The following FHIT variants were observed in gnomAD, a reference collection of about 807,000 sequenced individuals.
FHIT encodes the protein bis(5'-adenosyl)-triphosphatase.
FHIT carries 19 observed loss-of-function variants against 17.9 expected under a neutral mutation model. The ratio of observed to expected loss-of-function variants is 1.06; its 90% CI spans 0.74 to 1.56. FHIT has a LOEUF of 1.56. FHIT is among the 40% of genes most tolerant of loss of function. The pLI is 0.00. For synonymous variants in FHIT, 81 were observed against 69.7 expected (o/e 1.16, Z -0.81); for missense variants, 248 against 189.2 (o/e 1.31, Z -1.82).
At chr3:60,391,474 T>C (rs1308449120) in intron 5 of FHIT, among the ~76,000 whole-genome samples, 1 of 152,164 alleles carries the variant, frequency 6.6e-6, no homozygotes, top group East Asian at 1.9e-4. Flanking sequence ...GCCCTTCACA[T>C]GCACTCATCA....
At chr3:60,331,080 C>A (rs1019928465) in intron 5 of FHIT, among the ~76,000 whole-genome samples, 1 of 152,182 alleles carries the variant, frequency 6.6e-6, no homozygotes, top group Non-Finnish European at 1.5e-5. Flanking sequence ...AGGTCTTGTG[C>A]AATCTTAAGT....
At chr3:61,202,548 T>C (rs2039059865) in intron 1 of FHIT, among the ~76,000 whole-genome samples, 2 of 151,044 alleles carry the variant, frequency 1.3e-5, no homozygotes, top group South Asian at 4.2e-4. Context: ...AATATAAAAA[T>C]ATATGGATGT....
intron 5 of FHIT, among the ~76,000 whole-genome samples, chr3:60,510,173 G>A (rs2034894683): frequency 6.6e-6 from 1 of 152,152 alleles, no homozygotes; most frequent in South Asian, 2.1e-4. Flanking sequence ...GTAGCAAAAG[G>A]AAACCCAATG....
Position 60,900,840 on chromosome 3 carries a change from C to A in FHIT, c.-110-78829G>T, listed in dbSNP as rs531428252. ...TCGCCCAGGCTGGAGTGCAGTCGTG[C>A]GATCTCAGCTCACCACAACCTCCAC... On this transcript the variant is annotated intron_variant, in intron 3 of 9. Coordinates refer to ENST00000492590, the MANE Select transcript of FHIT (RefSeq NM_002012.4). Among the ~76,000 whole-genome samples, 26 of 152,142 alleles carry A rather than the reference C, an allele frequency of 1.7e-4. 1 individual carries two copies. The South Asian group carries it at 5.0e-3, about 29-fold the overall frequency.
intron 5 of FHIT, among the ~76,000 whole-genome samples, chr3:60,428,318 T>G (rs543917485): frequency 6.6e-6 from 1 of 152,286 alleles, no homozygotes; most frequent in East Asian, 1.9e-4. Flanking sequence ...ATCCAATCAA[T>G]GATAACTGTT....
At chr3:60,276,547 C>A (rs115415966) in intron 5 of FHIT, among the ~76,000 whole-genome samples, 1 of 152,056 alleles carries the variant, frequency 6.6e-6, no homozygotes, top group Non-Finnish European at 1.5e-5. Context: ...GTGTCACGAG[C>A]GAACAAGGTG....
At chr3:59,831,908 A>G (rs1321379574) in intron 8 of FHIT, among the ~76,000 whole-genome samples, 1 of 152,182 alleles carries the variant, frequency 6.6e-6, no homozygotes, top group Non-Finnish European at 1.5e-5. Context: ...ATTTGTGGCC[A>G]AAAGCTGATG....
chr3:60,494,115 C>T (rs770296170), intron 5 of FHIT, among the ~76,000 whole-genome samples: 1 of 152,146 alleles, frequency 6.6e-6, no homozygotes, highest in Non-Finnish European at 1.5e-5. Context: ...GCATTTTGTA[C>T]ATTCACAATG....
intron 4 of FHIT, among the ~76,000 whole-genome samples, chr3:60,550,724 C>T (rs2036518790): frequency 1.3e-5 from 2 of 151,918 alleles, no homozygotes; most frequent in Admixed American, 1.3e-4. Context: ...AATAACCTTT[C>T]CTCATCAAAC....
chr3:60,686,685 T>A (rs1336018391), intron 4 of FHIT, among the ~76,000 whole-genome samples: 1 of 152,148 alleles, frequency 6.6e-6, no homozygotes. Flanking sequence ...CACCAAAAAT[T>A]TGTAATGCTC....
chr3:60,202,800 A>C (rs1007503672), intron 5 of FHIT, among the ~76,000 whole-genome samples: 2 of 152,180 alleles, frequency 1.3e-5, no homozygotes, highest in African/African-American at 4.8e-5. Context: ...GTCTTCGTGC[A>C]GGTCTAAGTG....
chr3:60,987,494 G>A (rs1450755437), intron 3 of FHIT, among the ~76,000 whole-genome samples: 3 of 152,186 alleles, frequency 2.0e-5, no homozygotes, highest in Non-Finnish European at 4.4e-5. Flanking sequence ...GCCCATAAGA[G>A]ATACTTTTAG....
At chr3:60,114,428 A>G (rs147480938) in intron 5 of FHIT, among the ~76,000 whole-genome samples, 65 of 149,828 alleles carry the variant, frequency 4.3e-4, no homozygotes, top group Admixed American at 1.2e-3. Context: ...TAAACAGGCA[A>G]TTAATTGTAC....
chr3:59,860,645 C>T (rs948259722), intron 8 of FHIT, among the ~76,000 whole-genome samples: 1 of 152,102 alleles, frequency 6.6e-6, no homozygotes, highest in East Asian at 1.9e-4. Context: ...TTGGTGAGCA[C>T]AGGGCAGTCA....
At position 60,947,928 on chromosome 3, in the gene FHIT, T is replaced by G. The variant is rs566335434; in HGVS notation, c.-111+94119A>C. Among the ~76,000 whole-genome samples, 102 of 152,328 alleles carry G rather than the reference T, an allele frequency of 6.7e-4. 2 individuals are homozygous for G. The highest frequency in any genetic ancestry group is 8.4e-4 in the Non-Finnish European group (57 of 68,028). On this transcript the variant is annotated intron_variant, in intron 3 of 9. Transcript: ENST00000492590. The stretch of plus-strand genomic sequence containing the variant: ...AGTTTCTGTTTCTTAGTGTCTCTAG[T>G]TCCCATTTTATTTCAATCAAAATAT...
chr3:59,758,589 T>G (rs1701339073), intron 8 of FHIT, among the ~76,000 whole-genome samples: 1 of 152,244 alleles, frequency 6.6e-6, no homozygotes, highest in Non-Finnish European at 1.5e-5. Flanking sequence ...ACGTCCTTGA[T>G]AAGGCATCAA....
intron 4 of FHIT, among the ~76,000 whole-genome samples, chr3:60,552,186 A>G (rs898921993): frequency 1.3e-5 from 2 of 152,182 alleles, no homozygotes; most frequent in Non-Finnish European, 2.9e-5. Context: ...TAAAGGCTGA[A>G]TAATACCCCA....
At chr3:60,253,566 A>T (rs1305879889) in intron 5 of FHIT, among the ~76,000 whole-genome samples, 4 of 152,228 alleles carry the variant, frequency 2.6e-5, no homozygotes, top group Non-Finnish European at 4.4e-5. Flanking sequence ...TTTGCAGTCA[A>T]TGATTTTCTC....
At chr3:60,861,236 C>A (rs1372992218) in intron 3 of FHIT, among the ~76,000 whole-genome samples, 1 of 8,836 alleles carries the variant, frequency 1.1e-4, no homozygotes, top group Non-Finnish European at 2.7e-4. Flanking sequence ...TATGATATAT[C>A]ATATCATATA....
Sources: allele counts gnomAD v4.1 joint callset (sites outside exome capture counted in the v4.1 genomes callset), GRCh38; gene constraint gnomAD v4.1.1; transcripts MANE v1.5; gene names NCBI Gene and HGNC (gene_info 2026-07-23, HGNC 2026-07-21).